Variants in FIRRM observed in about 807,000 individuals in gnomAD.
The protein encoded by FIRRM is FIGNL1 interacting regulator of recombination and mitosis, also known as FIGNL1-interacting regulator of recombination and mitosis.
At chr1:169,849,372 T>G in the FIRRM span, 1 of 656,968 alleles carries the variant, frequency 1.5e-6, no homozygotes, top group Non-Finnish European at 2.6e-6. Flanking sequence ...CCTAATATGT[T>G]TTAGTGTGTG....
the FIRRM span, chr1:169,821,725 G>A: frequency 1.6e-5 from 26 of 1,611,030 alleles, no homozygotes; most frequent in East Asian, 1.1e-4. Context: ...AAATTGTGTC[G>A]TTTTTTTGCC....
chr1:169,831,407 T>C, the FIRRM span, among the ~76,000 whole-genome samples: 1 of 152,190 alleles, frequency 6.6e-6, no homozygotes, highest in Non-Finnish European at 1.5e-5. Flanking sequence ...AATAGTCTTA[T>C]TGTATCATAT....
the FIRRM span, chr1:169,850,201 AT>A: frequency 2.4e-5 from 26 of 1,088,092 alleles, no homozygotes; most frequent in Non-Finnish European, 2.8e-6. Flanking sequence ...CATAAAACTC[AT>A]CTATTTGTCT....
At chr1:169,846,077 A>G in the FIRRM span, among the ~76,000 whole-genome samples, 1 of 152,242 alleles carries the variant, frequency 6.6e-6, no homozygotes, top group Non-Finnish European at 1.5e-5. Context: ...ATTAACAAAC[A>G]TGAAAACAAT....
At chr1:169,841,107 A>T in the FIRRM span, among the ~76,000 whole-genome samples, 5 of 151,954 alleles carry the variant, frequency 3.3e-5, no homozygotes, top group Non-Finnish European at 5.9e-5. Context: ...GGCTCTTATT[A>T]TTTCGATGTA....
chr1:169,849,781 G>A, the FIRRM span: 1 of 593,584 alleles, frequency 1.7e-6, no homozygotes, highest in Non-Finnish European at 3.0e-6. Flanking sequence ...TTAGATAAAT[G>A]AAGTGAATTT....
the FIRRM span, chr1:169,826,064 T>A: frequency 6.4e-3 from 1,831 of 284,844 alleles, 55 homozygotes; most frequent in Admixed American, 0.05. Context: ...TCTGCCTATT[T>A]TAAAACAACT....
chr1:169,834,660 C>T, the FIRRM span, among the ~76,000 whole-genome samples: 2 of 151,982 alleles, frequency 1.3e-5, no homozygotes, highest in African/African-American at 4.8e-5. Flanking sequence ...AAATAACTTC[C>T]ACAAATTCAC....
chr1:169,829,339 G>A, the FIRRM span: 1 of 1,613,712 alleles, frequency 6.2e-7, no homozygotes, highest in African/African-American at 1.3e-5. Context: ...TCATTTACAG[G>A]GATTAAAGAG....
the FIRRM span, among the ~76,000 whole-genome samples, chr1:169,846,659 A>G: frequency 6.6e-6 from 1 of 152,160 alleles, no homozygotes; most frequent in Non-Finnish European, 1.5e-5. Flanking sequence ...TTTCTTCTGC[A>G]GCTTTTTCAG....
At chr1:169,816,775 AG>A in the FIRRM span, among the ~76,000 whole-genome samples, 1 of 152,152 alleles carries the variant, frequency 6.6e-6, no homozygotes, top group Non-Finnish European at 1.5e-5. Context: ...AGTTTTCCCA[AG>A]GGCCTTTATT....
the FIRRM span, among the ~76,000 whole-genome samples, chr1:169,844,538 G>A: frequency 6.6e-6 from 1 of 152,248 alleles, no homozygotes; most frequent in East Asian, 1.9e-4. Flanking sequence ...TGGTGGAACA[G>A]AAAGGAATGA....
the FIRRM span, among the ~76,000 whole-genome samples, chr1:169,843,169 T>C: frequency 6.6e-6 from 1 of 152,208 alleles, no homozygotes; most frequent in Non-Finnish European, 1.5e-5. Flanking sequence ...ACAGATAATG[T>C]TTTATTATTG....
the FIRRM span, among the ~76,000 whole-genome samples, chr1:169,833,939 C>T: frequency 6.7e-6 from 1 of 150,156 alleles, no homozygotes; most frequent in Admixed American, 6.7e-5. Flanking sequence ...GATCCTCCTG[C>T]CTCGGCGTCC....
the FIRRM span, among the ~76,000 whole-genome samples, chr1:169,826,451 C>G: frequency 6.6e-6 from 1 of 151,476 alleles, no homozygotes; most frequent in Non-Finnish European, 1.5e-5. Context: ...CAACCTCTGC[C>G]TTCTGGTTTC....
the FIRRM span, among the ~76,000 whole-genome samples, chr1:169,791,619 TA>T: frequency 3.3e-5 from 5 of 152,242 alleles, no homozygotes; most frequent in African/African-American, 4.8e-5. Context: ...TTCTGCCCTG[TA>T]TACAGTAAAT....
chr1:169,794,540 A>G, the FIRRM span: 1 of 153,962 alleles, frequency 6.5e-6, no homozygotes, highest in East Asian at 1.9e-4. Context: ...TTTATTGAGA[A>G]TCTTCTATCT....
the FIRRM span, among the ~76,000 whole-genome samples, chr1:169,809,235 C>T: frequency 6.6e-6 from 1 of 152,056 alleles, no homozygotes; most frequent in Admixed American, 6.6e-5. Flanking sequence ...TCTCACCTGC[C>T]CCTCCCCTTG....
the FIRRM span, among the ~76,000 whole-genome samples, chr1:169,787,674 C>G: frequency 3.3e-5 from 5 of 152,178 alleles, no homozygotes; most frequent in African/African-American, 4.8e-5. Context: ...CCTTACCATG[C>G]TTTAACAAGT....
Sources: allele counts gnomAD v4.1 joint callset (sites outside exome capture counted in the v4.1 genomes callset), GRCh38; gene constraint gnomAD v4.1.1; transcripts MANE v1.5; gene names NCBI Gene and HGNC (gene_info 2026-07-23, HGNC 2026-07-21).